The following DLG5 variants were observed in gnomAD, a reference collection of about 807,000 sequenced individuals.
DLG5 encodes disks large homolog 5.
In DLG5, 48 loss-of-function variants were observed where a neutral mutation model predicts 189.8. The observed-to-expected ratio is 0.25, with a 90% CI of 0.20 to 0.32. The LOEUF is 0.32. Ranked by LOEUF, DLG5 falls within the 10% of genes least tolerant of loss-of-function variation. The pLI, the probability that DLG5 is intolerant of heterozygous loss-of-function variation, is 1.00. For synonymous variants in DLG5, 1,016 were observed against 1,054.1 expected (o/e 0.96, Z 0.70); for missense variants, 2,160 against 2,544.7 (o/e 0.85, Z 3.25).
chr10:77,891,338 T>C (rs1845601150), intron 1 of DLG5, among the ~76,000 whole-genome samples: 1 of 152,136 alleles, frequency 6.6e-6, no homozygotes, highest in Admixed American at 6.5e-5. Flanking sequence ...CAATTTTCAT[T>C]TTGCACTGGG....
intron 26 of DLG5, 29 bp from the exon 27 acceptor site, chr10:77,805,890 G>A (rs1841446403): frequency 6.3e-7 from 1 of 1,587,358 alleles, no homozygotes; most frequent in South Asian, 1.1e-5. Flanking sequence ...TGCTGGGCAG[G>A]GCCATCGAGA....
intron 1 of DLG5, among the ~76,000 whole-genome samples, chr10:77,904,078 AG>A (rs1005975275): frequency 1.3e-5 from 2 of 152,102 alleles, no homozygotes; most frequent in Admixed American, 6.5e-5. Flanking sequence ...CTGCAGTGGG[AG>A]GATCAGTGGG....
At chr10:77,807,338 C>T (rs1841529048) in intron 25 of DLG5, among the ~76,000 whole-genome samples, 1 of 152,174 alleles carries the variant, frequency 6.6e-6, no homozygotes, top group Non-Finnish European at 1.5e-5. Context: ...CTCATGCTTT[C>T]TGTGATCTTG....
At chr10:77,807,652 G>C (rs141368130) in intron 25 of DLG5, 144 bp downstream of exon 25, 15 of 952,922 alleles carry the variant, frequency 1.6e-5, no homozygotes, top group African/African-American at 1.5e-4. Flanking sequence ...ATAAATAAGC[G>C]TGCAGATTGA....
At chr10:77,812,409 G>C in intron 20 of DLG5, 32 bp from the exon 21 acceptor site, 1 of 1,596,658 alleles carries the variant, frequency 6.3e-7, no homozygotes, top group South Asian at 1.1e-5. Flanking sequence ...CGGGGACTCA[G>C]GGTCAAACAA....
intron 1 of DLG5, among the ~76,000 whole-genome samples, chr10:77,876,683 G>GAGGA (rs1425780887): frequency 0.012 from 1,164 of 97,326 alleles, 53 homozygotes; most frequent in African/African-American, 0.039. Context: ...TTTTTTCTAA[G>GAGGA]AGGAAGGAAG....
At chr10:77,912,964 C>T (rs1846265915) in intron 1 of DLG5, among the ~76,000 whole-genome samples, 1 of 152,130 alleles carries the variant, frequency 6.6e-6, no homozygotes, top group Non-Finnish European at 1.5e-5. Context: ...CTCAAGAAGG[C>T]CACAAGCTCA....
intron 1 of DLG5, among the ~76,000 whole-genome samples, chr10:77,924,374 G>A (rs887635940): frequency 6.6e-6 from 1 of 152,074 alleles, no homozygotes; most frequent in Non-Finnish European, 1.5e-5. Flanking sequence ...AGCCCCATGA[G>A]GCCCCACATT....
chr10:77,882,919 G>GAA (rs560752874), intron 1 of DLG5, among the ~76,000 whole-genome samples: 2 of 126,832 alleles, frequency 1.6e-5, no homozygotes, highest in Non-Finnish European at 1.7e-5. Context: ...ATGTCTCAAA[G>GAA]AAAAAAAAAA....
chr10:77,895,371 TC>T lies in DLG5; in HGVS notation c.305-26175del, dbSNP rs530877837. On this transcript the variant is annotated intron_variant, in intron 1 of 31. Transcript: ENST00000372391. ...AGCTAAGGAGGCCAGTGACCCCACA[TC>T]AAAAGGGGAAAAGAGAGAAAAAGTT... Among the ~76,000 whole-genome samples, 35 of 152,186 alleles carry T rather than the reference TC, an allele frequency of 2.3e-4. No individual in the cohort carries two copies. The East Asian group carries it at 6.6e-3, about 29-fold the overall frequency.
Position 77,816,564 on chromosome 10 carries a change from G to A in DLG5, c.4012C>T (p.Arg1338Trp), listed in dbSNP as rs199899533. 9.9e-6 allele frequency: 16 copies of A among 1,614,054 alleles called. No individual in the cohort carries two copies. The highest frequency in any genetic ancestry group is 8.9e-5 in the East Asian group (4 of 44,864). Residue 1338 changes from arginine (R) to tryptophan (W), a missense_variant, in exon 20 of 32, where the codon CGG becomes TGG. Arg to Trp is a moderately radical substitution (Grantham distance 101, BLOSUM62 -3). Coordinates refer to ENST00000372391, the MANE Select transcript of DLG5 (RefSeq NM_004747.4). ...IAVNPASLGE[R>W]RKDRPYVEEP... ...GGCCATGCTCACCTGTCCTTTCTCC[G>A]CTCCCCGAGGGACGCGGGGTTGACA...
intron 29 of DLG5, 53 bp from the exon 30 acceptor site, chr10:77,795,011 C>A (rs1840839877): frequency 8.0e-6 from 12 of 1,491,236 alleles, no homozygotes; most frequent in African/African-American, 1.4e-5. Flanking sequence ...GGCAGCCAGC[C>A]CCCTGTCCTG....
rs188726968 is a variant in DLG5 at position 77,872,387 on chromosome 10, G to A, written c.305-3190C>T. ...GGGGAGTCCACAGGCCAAGCGACAC[G>A]TTCTGTTCCTCTTCCCTGTCCCTGC... On this transcript the variant is annotated intron_variant, in intron 1 of 31. Coordinates refer to ENST00000372391, the MANE Select transcript of DLG5 (RefSeq NM_004747.4). Among the ~76,000 whole-genome samples the A allele has an allele frequency of 1.4e-3, 218 of 152,290 alleles. 1 individual carries two copies. The highest frequency in any genetic ancestry group is 4.6e-3 in the African/African-American group (191 of 41,544).
intron 27 of DLG5, among the ~76,000 whole-genome samples, chr10:77,802,647 C>G (rs1841269770): frequency 6.6e-6 from 1 of 152,230 alleles, no homozygotes; most frequent in Admixed American, 6.5e-5. Context: ...GGTGCAGTGC[C>G]TTGCACTTTG....
At chr10:77,856,189 T>A (rs1178319750) in intron 3 of DLG5, among the ~76,000 whole-genome samples, 1 of 150,398 alleles carries the variant, frequency 6.6e-6, no homozygotes. Flanking sequence ...TACAAAAAAA[T>A]TAAAAAAAAA....
the DLG5 span, among the ~76,000 whole-genome samples, chr10:77,933,580 C>T: frequency 3.3e-3 from 506 of 152,204 alleles, 2 homozygotes; most frequent in South Asian, 0.018. Context: ...AGGGGTGAGC[C>T]ACGGTGCCCG....
chr10:77,928,958 G>T (rs1846761223), upstream of DLG5: 1 of 152,126 alleles, frequency 6.6e-6, no homozygotes, highest in African/African-American at 2.4e-5. Context: ...AACCCAGGAG[G>T]TGGAGGTTGC....
At chr10:77,911,604 C>A (rs1225063415) in intron 1 of DLG5, among the ~76,000 whole-genome samples, 2 of 151,902 alleles carry the variant, frequency 1.3e-5, no homozygotes, top group Non-Finnish European at 2.9e-5. Flanking sequence ...CATCTTAGAG[C>A]CAGGGAGGTA....
In DLG5 at chr10:77,821,970, G is replaced by C. The variant is rs1220376206; in HGVS notation, c.2514C>G (p.His838Gln). 6.2e-7 allele frequency: 1 copy of C among 1,614,262 alleles called. No homozygotes were observed. The highest frequency in any genetic ancestry group is 8.5e-7 in the Non-Finnish European group (1 of 1,180,054). The change falls in exon 15 of 32, where the codon CAC (histidine) becomes CAG (glutamine). Residue 838 changes from histidine (H) to glutamine (Q), a missense_variant. Around this residue, in one of 5 missense-constraint regions of DLG5, gnomAD observed 754 missense variants for 746.5 expected, o/e 1.01. Coordinates refer to ENST00000372391, the MANE Select transcript of DLG5 (RefSeq NM_004747.4). ...QAHNKRNLIQ[H>Q]NNSTQTDIFY... ...AGATGTCTGTCTGCGTGGAGTTATT[G>C]TGCTGTATCAAGTTCCGTTTGTTAT...
Sources: allele counts gnomAD v4.1 joint callset (sites outside exome capture counted in the v4.1 genomes callset), GRCh38; gene constraint gnomAD v4.1.1; regional missense constraint gnomAD v4.1.1; transcripts MANE v1.5; gene names NCBI Gene and HGNC (gene_info 2026-07-23, HGNC 2026-07-21).